Variants in PPM1L observed in about 807,000 individuals in gnomAD.
PPM1L encodes protein phosphatase 1L.
A neutral mutation model predicts 31.4 loss-of-function variants in PPM1L; 13 were observed. That is an observed-to-expected ratio of 0.41 (90% confidence interval 0.27 to 0.66). PPM1L has a LOEUF of 0.66. PPM1L is among the 30% of genes least tolerant of loss of function. The pLI is 0.29. For synonymous variants in PPM1L, 184 were observed against 175.4 expected, an observed-to-expected ratio of 1.05 and a Z score of -0.39; for missense variants, 326 against 453.7, an observed-to-expected ratio of 0.72 and a Z score of 2.56.
In PPM1L at chr3:160,886,262, CTT is replaced by C. The variant is rs539048822; in HGVS notation, c.400-75473_400-75472del. ...GCTGTAGTCTCTGTGGACCAGCAGACTTAGGTTTTCTTCCTGGCAGTTCTGAG... is the reference window on the plus strand; with the variant it reads ...GCTGTAGTCTCTGTGGACCAGCAGACAGGTTTTCTTCCTGGCAGTTCTGAG... On this transcript the variant is annotated intron_variant, in intron 1 of 3. Transcript: ENST00000498165. Among the ~76,000 whole-genome samples the C allele has an allele frequency of 2.6e-5, 4 of 152,334 alleles. No individual in the cohort carries two copies. The East Asian group carries it at 7.7e-4, about 30-fold the overall frequency.
chr3:160,859,251 ATTG>A (rs1409275459), intron 1 of PPM1L, among the ~76,000 whole-genome samples: 2 of 151,896 alleles, frequency 1.3e-5, no homozygotes, highest in African/African-American at 4.8e-5. Context: ...GGCTTTTTTG[ATTG>A]TTGTTGTTTT....
At chr3:160,867,040 A>C (rs912058420) in intron 1 of PPM1L, among the ~76,000 whole-genome samples, 2 of 152,084 alleles carry the variant, frequency 1.3e-5, no homozygotes, top group African/African-American at 4.8e-5. Flanking sequence ...GGGTCTCACT[A>C]TCTTGCCCAG....
intron 1 of PPM1L, among the ~76,000 whole-genome samples, chr3:160,847,856 A>G (rs984046106): frequency 6.6e-6 from 1 of 152,186 alleles, no homozygotes; most frequent in Non-Finnish European, 1.5e-5. Context: ...CTTCCTGCCC[A>G]GACTATCAGA....
intron 1 of PPM1L, among the ~76,000 whole-genome samples, chr3:160,844,743 T>C (rs1368050741): frequency 6.6e-6 from 1 of 152,132 alleles, no homozygotes; most frequent in Admixed American, 6.6e-5. Context: ...CTTATTGAAA[T>C]ATAATTAACA....
intron 1 of PPM1L, among the ~76,000 whole-genome samples, chr3:160,791,017 G>A (rs953986208): frequency 6.6e-6 from 1 of 152,124 alleles, no homozygotes; most frequent in African/African-American, 2.4e-5. Flanking sequence ...TTTAAAGAGA[G>A]ATCCAGAAGG....
At position 161,020,194 on chromosome 3, in the gene PPM1L, TA is replaced by T. The variant is rs1559927007; in HGVS notation, c.575-45207del. ...CATCTCCTAACTCAATTTTATACTC[TA>T]ATATATACTGGCATTTCAAAATATT... On this transcript the variant is annotated intron_variant, in intron 2 of 3. Transcript: ENST00000498165. Among the ~76,000 whole-genome samples the T allele has an allele frequency of 2.6e-5, 4 of 152,174 alleles. No individual in the cohort carries two copies. The South Asian group carries it at 8.3e-4, about 32-fold the overall frequency.
intron 1 of PPM1L, among the ~76,000 whole-genome samples, chr3:160,924,649 T>A (rs1714525813): frequency 6.6e-6 from 1 of 152,162 alleles, no homozygotes; most frequent in Non-Finnish European, 1.5e-5. Context: ...CTGAAAAACA[T>A]TTGCTATTTC....
intron 1 of PPM1L, among the ~76,000 whole-genome samples, chr3:160,770,167 T>A (rs895573768): frequency 4.6e-5 from 7 of 152,312 alleles, no homozygotes; most frequent in South Asian, 2.1e-4. Context: ...TTTTCTTTTT[T>A]AAAAAGATAT....
At chr3:160,944,361 A>G (rs190112279) in intron 1 of PPM1L, among the ~76,000 whole-genome samples, 6 of 152,012 alleles carry the variant, frequency 3.9e-5, no homozygotes, top group East Asian at 1.9e-4. Context: ...GGTATTGCCA[A>G]TTGCTCATTG....
intron 1 of PPM1L, among the ~76,000 whole-genome samples, chr3:160,775,489 C>G: frequency 6.6e-6 from 1 of 152,188 alleles, no homozygotes; most frequent in Admixed American, 6.5e-5. Context: ...AGTGTAAGGT[C>G]TATCCAAAAG....
intron 1 of PPM1L, among the ~76,000 whole-genome samples, chr3:160,828,205 G>C (rs1169682279): frequency 6.6e-6 from 1 of 152,082 alleles, no homozygotes; most frequent in Admixed American, 6.6e-5. Flanking sequence ...TGTAAGGATA[G>C]TGCTTAAGCA....
At chr3:160,767,427 G>A (rs1246348478) in intron 1 of PPM1L, among the ~76,000 whole-genome samples, 1 of 151,888 alleles carries the variant, frequency 6.6e-6, no homozygotes. Context: ...TAGAGATGGG[G>A]TTTTGCCATG....
At chr3:160,978,659 A>G (rs1179188479) in intron 2 of PPM1L, among the ~76,000 whole-genome samples, 1 of 151,916 alleles carries the variant, frequency 6.6e-6, no homozygotes, top group Non-Finnish European at 1.5e-5. Context: ...GTGAAACCCC[A>G]TTTCTATAAA....
At chr3:160,796,164 G>C (rs1402957120) in intron 1 of PPM1L, among the ~76,000 whole-genome samples, 2 of 152,176 alleles carry the variant, frequency 1.3e-5, no homozygotes, top group Non-Finnish European at 2.9e-5. Context: ...TATGATGTCT[G>C]GTCAAATGCC....
At chr3:160,995,629 G>C (rs770278582) in intron 2 of PPM1L, among the ~76,000 whole-genome samples, 2 of 152,032 alleles carry the variant, frequency 1.3e-5, no homozygotes, top group Non-Finnish European at 2.9e-5. Context: ...TCCAGGTAGA[G>C]ACTTTTTTTA....
At chr3:161,007,548 T>C (rs941751957) in intron 2 of PPM1L, among the ~76,000 whole-genome samples, 2 of 152,236 alleles carry the variant, frequency 1.3e-5, no homozygotes, top group African/African-American at 4.8e-5. Flanking sequence ...ACCAAGCTGT[T>C]CAACCTGCGA....
intron 2 of PPM1L, among the ~76,000 whole-genome samples, chr3:161,021,787 A>G (rs1384619099): frequency 1.3e-5 from 2 of 151,848 alleles, no homozygotes; most frequent in African/African-American, 2.4e-5. Context: ...CTCTAGTAAT[A>G]ATTTGTCTGA....
At chr3:160,955,817 A>AT (rs375715474) in intron 1 of PPM1L, among the ~76,000 whole-genome samples, 7,081 of 148,424 alleles carry the variant, frequency 0.048, 426 homozygotes, top group African/African-American at 0.12. Context: ...CGTCCGGATA[A>AT]TTTTTTTTTT....
chr3:160,833,517 T>A (rs143262035), intron 1 of PPM1L, among the ~76,000 whole-genome samples: 2 of 152,366 alleles, frequency 1.3e-5, no homozygotes, highest in East Asian at 1.9e-4. Flanking sequence ...GATTTGCATT[T>A]CTCTAATGAT....
Sources: gnomAD v4.1 joint callset for allele counts (sites outside exome capture counted in the v4.1 genomes callset) on GRCh38, gnomAD v4.1.1 for gene constraint, MANE v1.5 for transcripts, NCBI Gene and HGNC (gene_info 2026-07-23, HGNC 2026-07-21) for gene names.